The following MDGA2 variants were observed in gnomAD, a reference collection of about 807,000 sequenced individuals.
The protein encoded by MDGA2 is MAM domain-containing glycosylphosphatidylinositol anchor protein 2.
Under a neutral mutation model 117.8 loss-of-function variants are expected in MDGA2, and 40 were observed. The observed-to-expected ratio is 0.34, with a 90% confidence interval of 0.26 to 0.44. The LOEUF (loss-of-function observed/expected upper bound fraction) is 0.44, where lower values mean the gene tolerates loss of function less well. MDGA2 is among the 20% of genes least tolerant of loss of function. The probability of loss-of-function intolerance (pLI) is 1.00; values close to 1 mark genes in which losing one functional copy is unlikely to be tolerated. For missense variants in MDGA2, 1,123 were observed against 1,250.6 expected, an observed-to-expected ratio of 0.90 and a Z score of 1.54; for synonymous variants, 452 against 439.0, an observed-to-expected ratio of 1.03 and a Z score of -0.37.
At chr14:47,542,482 T>C (rs1458916652) in intron 1 of MDGA2, among the ~76,000 whole-genome samples, 2 of 152,230 alleles carry the variant, frequency 1.3e-5, no homozygotes, top group South Asian at 2.1e-4. Context: ...TGGTACACAA[T>C]ATAAGTCAGA....
intron 2 of MDGA2, among the ~76,000 whole-genome samples, chr14:47,282,299 C>T (rs1376983650): frequency 6.6e-6 from 1 of 152,106 alleles, no homozygotes; most frequent in African/African-American, 2.4e-5. Context: ...GAGGTTCATG[C>T]AACTTTCCAT....
intron 7 of MDGA2, among the ~76,000 whole-genome samples, chr14:47,038,647 C>T (rs930567288): frequency 6.6e-6 from 1 of 151,892 alleles, no homozygotes; most frequent in Non-Finnish European, 1.5e-5. Flanking sequence ...TAATATCTGT[C>T]TCTTCCTAGG....
intron 1 of MDGA2, among the ~76,000 whole-genome samples, chr14:47,659,286 T>C (rs960582477): frequency 1.3e-5 from 2 of 152,336 alleles, no homozygotes; most frequent in South Asian, 4.1e-4. Flanking sequence ...GCTTTATAAA[T>C]AACTTTCCAT....
intron 6 of MDGA2, among the ~76,000 whole-genome samples, chr14:47,085,350 C>G (rs1490361458): frequency 6.6e-6 from 1 of 151,952 alleles, no homozygotes. Flanking sequence ...TCAAGAAAAC[C>G]TAGAATTCAA....
chr14:47,488,725 T>C (rs1205960656), intron 1 of MDGA2, among the ~76,000 whole-genome samples: 2 of 152,006 alleles, frequency 1.3e-5, no homozygotes, highest in Non-Finnish European at 2.9e-5. Context: ...AAGCAGGCCA[T>C]GTATGGAACT....
chr14:47,003,869 G>T (rs1887620778), intron 8 of MDGA2, among the ~76,000 whole-genome samples: 1 of 151,740 alleles, frequency 6.6e-6, no homozygotes, highest in Admixed American at 6.6e-5. Flanking sequence ...GCTTATAGAA[G>T]AAAATATTTG....
chr14:46,994,954 TATC>T (rs895412328), intron 8 of MDGA2, among the ~76,000 whole-genome samples: 3 of 152,114 alleles, frequency 2.0e-5, no homozygotes, highest in African/African-American at 7.2e-5. Flanking sequence ...TATCCACAAG[TATC>T]ATTCTTGTGG....
At chr14:47,582,952 C>T (rs937449128) in intron 1 of MDGA2, among the ~76,000 whole-genome samples, 4 of 151,802 alleles carry the variant, frequency 2.6e-5, no homozygotes, top group East Asian at 3.9e-4. Context: ...TACATCTTAT[C>T]GTGAATGCCA....
At chr14:47,250,502 G>T (rs1202993959) in intron 2 of MDGA2, among the ~76,000 whole-genome samples, 1 of 152,188 alleles carries the variant, frequency 6.6e-6, no homozygotes, top group African/African-American at 2.4e-5. Context: ...AGGCCTTTGA[G>T]AGGTTAATTA....
At chr14:47,008,919 A>G (rs1212203627) in intron 8 of MDGA2, among the ~76,000 whole-genome samples, 3 of 151,986 alleles carry the variant, frequency 2.0e-5, no homozygotes, top group Admixed American at 2.0e-4. Flanking sequence ...TAGCTGTTCA[A>G]TCATTAAATC....
At chr14:47,249,886 G>T (rs1294445318) in intron 2 of MDGA2, among the ~76,000 whole-genome samples, 1 of 152,194 alleles carries the variant, frequency 6.6e-6, no homozygotes, top group Non-Finnish European at 1.5e-5. Flanking sequence ...ACTAGAGAAG[G>T]TAATAGGAGA....
chr14:47,002,032 T>G (rs975233092), intron 8 of MDGA2, among the ~76,000 whole-genome samples: 1 of 151,940 alleles, frequency 6.6e-6, no homozygotes, highest in Non-Finnish European at 1.5e-5. Context: ...GGTTGTGGAG[T>G]GGGGGCAACT....
intron 1 of MDGA2, among the ~76,000 whole-genome samples, chr14:47,390,273 G>C (rs1410203552): frequency 1.3e-5 from 2 of 152,068 alleles, no homozygotes; most frequent in African/African-American, 4.8e-5. Flanking sequence ...CTTTTTAAAA[G>C]ATAATAAGCC....
intron 6 of MDGA2, among the ~76,000 whole-genome samples, chr14:47,063,952 A>T (rs1889986186): frequency 6.6e-6 from 1 of 152,004 alleles, no homozygotes; most frequent in African/African-American, 2.4e-5. Flanking sequence ...AGTGATATTG[A>T]GAGAACTGCA....
At chr14:47,023,256 G>A (rs1371188664) in intron 8 of MDGA2, among the ~76,000 whole-genome samples, 1 of 150,660 alleles carries the variant, frequency 6.6e-6, no homozygotes, top group East Asian at 1.9e-4. Flanking sequence ...TGACAGCAAT[G>A]CAGCAATGTT....
chr14:47,529,783 G>A (rs543218600), intron 1 of MDGA2, among the ~76,000 whole-genome samples: 61 of 152,188 alleles, frequency 4.0e-4, no homozygotes, highest in Admixed American at 4.6e-4. Flanking sequence ...GCTAAATGCC[G>A]TTATGCATGT....
intron 5 of MDGA2, among the ~76,000 whole-genome samples, chr14:47,123,894 G>C (rs1297391965): frequency 6.6e-6 from 1 of 151,984 alleles, no homozygotes; most frequent in Non-Finnish European, 1.5e-5. Flanking sequence ...AATAAGTTTA[G>C]AGAAGCTAAC....
intron 3 of MDGA2, among the ~76,000 whole-genome samples, chr14:47,171,608 C>T (rs1884138406): frequency 6.6e-6 from 1 of 152,132 alleles, no homozygotes; most frequent in Non-Finnish European, 1.5e-5. Context: ...ATGCATGCTG[C>T]TAATCATTTC....
intron 6 of MDGA2, among the ~76,000 whole-genome samples, chr14:47,076,549 G>C (rs1890500080): frequency 9.2e-6 from 1 of 108,534 alleles, no homozygotes; most frequent in Non-Finnish European, 1.8e-5. Flanking sequence ...TGTTATGTAT[G>C]AGTGTGTGTT....
Sources: gnomAD v4.1 joint callset for allele counts (sites outside exome capture counted in the v4.1 genomes callset) on GRCh38, gnomAD v4.1.1 for gene constraint, MANE v1.5 for transcripts, NCBI Gene and HGNC (gene_info 2026-07-23, HGNC 2026-07-21) for gene names.